TMEM116: variants seen among roughly 807,000 people sequenced by gnomAD.
The protein encoded by TMEM116 is transmembrane protein 116.
In TMEM116, 38 loss-of-function variants were observed where a neutral mutation model predicts 44.3. The observed-to-expected ratio is 0.86, with a 90% CI of 0.66 to 1.12. TMEM116 has a LOEUF of 1.12. TMEM116 is among the 50% of genes most tolerant of loss of function. The pLI is 0.00. For missense variants in TMEM116, 354 were observed against 401.7 expected, an observed-to-expected ratio of 0.88 and a Z score of 1.01; for synonymous variants, 132 against 144.8, an observed-to-expected ratio of 0.91 and a Z score of 0.64.
intron 6 of TMEM116, 179 bp downstream of exon 6, chr12:111,937,982 C>T (rs1593275608): frequency 4.9e-6 from 2 of 407,470 alleles, no homozygotes; most frequent in East Asian, 4.1e-5. Context: ...CATCAAGCTA[C>T]TTCCCTATTC....
intron 4 of TMEM116, among the ~76,000 whole-genome samples, chr12:111,972,076 G>GAAA (rs762088997): frequency 0.2 from 11,688 of 57,032 alleles, 694 homozygotes; most frequent in East Asian, 0.28. Context: ...CCCTATCTGT[G>GAAA]AAAAAAAAAA....
At chr12:111,970,650 GA>G (rs1262855869) in intron 4 of TMEM116, among the ~76,000 whole-genome samples, 2 of 148,894 alleles carry the variant, frequency 1.3e-5, no homozygotes, top group Admixed American at 1.3e-4. Flanking sequence ...GCAATGGCGT[GA>G]TCTCAGCTCA....
chr12:111,957,396 C>T lies in TMEM116; in HGVS notation c.211-14027G>A, dbSNP rs528085706. 1.9e-3 allele frequency among the ~76,000 whole-genome samples: 289 copies of T among 151,882 alleles called. 2 individuals carry two copies. Among genetic ancestry groups the T allele is most frequent in the African/African-American group, 6.6e-3 (274 of 41,446 alleles). On this transcript the variant is annotated intron_variant, in intron 4 of 10. Coordinates refer to ENST00000552374, the MANE Select transcript of TMEM116 (RefSeq NM_001193531.2). ...GTGAGGAGCCCCTCCGCCCGGCAGCCGCCCCATCTGGGAAGTGGGGAGCCC... is the reference window on the plus strand; with the variant it reads ...GTGAGGAGCCCCTCCGCCCGGCAGCTGCCCCATCTGGGAAGTGGGGAGCCC...
chr12:111,954,572 A>G (rs2073955844), intron 4 of TMEM116, among the ~76,000 whole-genome samples: 1 of 152,226 alleles, frequency 6.6e-6, no homozygotes, highest in African/African-American at 2.4e-5. Context: ...ACTAAGACTT[A>G]GAGAAGTTCA....
intron 4 of TMEM116, among the ~76,000 whole-genome samples, chr12:111,964,601 T>A (rs1292304254): frequency 6.6e-6 from 1 of 152,224 alleles, no homozygotes; most frequent in Non-Finnish European, 1.5e-5. Context: ...AAGCCCATTC[T>A]CTTAAGTCTG....
intron 4 of TMEM116, among the ~76,000 whole-genome samples, chr12:111,949,225 G>A (rs1273509275): frequency 6.6e-6 from 1 of 151,448 alleles, no homozygotes; most frequent in Non-Finnish European, 1.5e-5. Context: ...ATAAAGAAAA[G>A]TAAAATCATT....
intron 4 of TMEM116, among the ~76,000 whole-genome samples, chr12:111,976,084 C>T (rs973756752): frequency 4.6e-5 from 7 of 152,026 alleles, no homozygotes; most frequent in Non-Finnish European, 1.0e-4. Context: ...TCTTGGCTCA[C>T]TGCAACCTCC....
rs1193092155 is a variant in TMEM116 at position 111,993,266 on chromosome 12, G to A, written c.79-1377C>T. 6.6e-6 allele frequency: 3 copies of A among 456,598 alleles called. No homozygotes were observed. The East Asian group carries it at 1.7e-4, about 25-fold the overall frequency. 28.3% of individuals were successfully genotyped at this position (456,598 alleles called of 1,614,324 possible). ...CCCTGGGTTTAGTGAAATGCTGTAT[G>A]CAGGTGGACCCCCAAAAGTAGAAGG... On this transcript the variant is annotated intron_variant, in intron 3 of 10. Coordinates refer to ENST00000552374, the MANE Select transcript of TMEM116 (RefSeq NM_001193531.2).
chr12:112,003,828 ACAG>A lies in TMEM116; in HGVS notation c.47_49del (p.Ala16del). 2.0e-6 allele frequency: 3 copies of A among 1,515,168 alleles called. No homozygotes were observed. Among genetic ancestry groups the A allele is most frequent in the Non-Finnish European group, 2.6e-6 (3 of 1,140,692 alleles). The allele number at this position is 1,515,168 out of a possible 1,614,324, so 93.9% of individuals were successfully genotyped here. A position where few individuals can be genotyped will look rare whatever the true frequency, so the allele number is the denominator to read the frequency against. On this transcript the variant is annotated inframe_deletion, in exon 3 of 11. Transcript: ENST00000552374. Reference sequence around the variant, plus strand: ...TGGAGATTTCTGTATATTATGGAATACAGCATAGGCAATAAGTGAACTTGAACC... The same window carrying A: ...TGGAGATTTCTGTATATTATGGAATACATAGGCAATAAGTGAACTTGAACC...
In TMEM116 at chr12:111,937,252, GA is replaced by G. The variant is rs755797503; in HGVS notation, c.366-10del. 4.4e-6 allele frequency: 7 copies of G among 1,608,574 alleles called. No individual in the cohort carries two copies. Among genetic ancestry groups the G allele is most frequent in the Non-Finnish European group, 6.0e-6 (7 of 1,175,836 alleles). On this transcript the variant is annotated splice_polypyrimidine_tract_variant and intron_variant, in intron 6 of 10. Coordinates refer to ENST00000552374, the MANE Select transcript of TMEM116 (RefSeq NM_001193531.2). The stretch of plus-strand genomic sequence containing the variant: ...ATAGCAGAGGTATCAGGCTGGGAGG[GA>G]AAAAAAGTATCACCCTAATATCCAC...
At chr12:111,936,569 C>T in intron 8 of TMEM116, 123 bp downstream of exon 8, 1 of 1,055,972 alleles carries the variant, frequency 9.5e-7, no homozygotes, top group Non-Finnish European at 1.3e-6. Context: ...CTCCTAGCTA[C>T]TTTCTTAGTT....
intron 4 of TMEM116, among the ~76,000 whole-genome samples, chr12:111,968,992 C>CAAAAAAAAAAAAAAAAAAAA (rs1176204219): frequency 2.2e-5 from 1 of 45,150 alleles, no homozygotes; most frequent in Non-Finnish European, 4.5e-5. Context: ...GACTCTATCT[C>CAAAAAAAAAAAAAAAAAAAA]AAAAAAAAAA....
intron 4 of TMEM116, among the ~76,000 whole-genome samples, chr12:111,957,008 G>A (rs1164953312): frequency 2.7e-5 from 4 of 150,446 alleles, no homozygotes; most frequent in Non-Finnish European, 4.4e-5. Flanking sequence ...CTGCCTGGCC[G>A]CCCAGTCCGG....
At chr12:111,953,294 A>G (rs1165318535) in intron 4 of TMEM116, among the ~76,000 whole-genome samples, 1 of 152,208 alleles carries the variant, frequency 6.6e-6, no homozygotes, top group Non-Finnish European at 1.5e-5. Flanking sequence ...GGACCAGACC[A>G]ACAACCTGAG....
intron 4 of TMEM116, among the ~76,000 whole-genome samples, chr12:111,989,531 TC>T (rs1046578496): frequency 6.6e-6 from 1 of 152,216 alleles, no homozygotes; most frequent in African/African-American, 2.4e-5. Flanking sequence ...AAATTTACAT[TC>T]TAAACCTAAT....
In TMEM116 at chr12:112,006,039, T is replaced by C. The variant is rs1366425095; in HGVS notation, c.-33-736A>G. 5 of 969,374 alleles carry C rather than the reference T, an allele frequency of 5.2e-6. No homozygotes were observed. In the African/African-American group the frequency reaches 7.0e-5, roughly 14 times the overall value. The allele number at this position is 969,374 out of a possible 1,614,324, so 60.0% of individuals were successfully genotyped here. A position where few individuals can be genotyped will look rare whatever the true frequency, so the allele number is the denominator to read the frequency against. On this transcript the variant is annotated intron_variant, in intron 1 of 10. Coordinates refer to ENST00000552374, the MANE Select transcript of TMEM116 (RefSeq NM_001193531.2). Reference sequence around the variant, plus strand: ...CTACCCTTGAGCAGCCGATCCTTCCTAGTCAGGTTCTGAATCCTGAAGCAG... The same window carrying C: ...CTACCCTTGAGCAGCCGATCCTTCCCAGTCAGGTTCTGAATCCTGAAGCAG...
At chr12:111,946,011 TATG>T (rs2073243721) in intron 4 of TMEM116, among the ~76,000 whole-genome samples, 2 of 152,350 alleles carry the variant, frequency 1.3e-5, no homozygotes, top group Admixed American at 6.5e-5. Flanking sequence ...TAGGCAAAGC[TATG>T]ATGTTTTAAT....
In TMEM116 at chr12:111,991,791, G is replaced by A; in HGVS notation, c.177C>T (p.Asp59=). ...LLYGASVANK[D]IICYNLQAVG... ...CTGCTTGTAGGTTATAGCAGATGAT[G>A]TCCTTATTTGCTACTGAAGCTCCAT... The change falls in exon 4 of 11, where the codon GAC becomes GAT. Residue 59 remains aspartate, a synonymous_variant. Coordinates refer to ENST00000552374, the MANE Select transcript of TMEM116 (RefSeq NM_001193531.2). 1 of 1,535,554 alleles carries A rather than the reference G, an allele frequency of 6.5e-7. No individual in the cohort carries two copies. Among genetic ancestry groups the A allele is most frequent in the Non-Finnish European group, 8.7e-7 (1 of 1,146,518 alleles).
chr12:111,965,602 G>A (rs2074925257), intron 4 of TMEM116: 1 of 211,548 alleles, frequency 4.7e-6, no homozygotes, highest in Admixed American at 5.9e-5. Flanking sequence ...TACCAACTGG[G>A]TGCAAAGGTG....
Sources: gnomAD v4.1 joint callset for allele counts (sites outside exome capture counted in the v4.1 genomes callset) on GRCh38, gnomAD v4.1.1 for gene constraint, MANE v1.5 for transcripts, NCBI Gene and HGNC (gene_info 2026-07-23, HGNC 2026-07-21) for gene names.